The following DNAJC12 variants were observed in gnomAD, a reference collection of about 807,000 sequenced individuals.
DNAJC12 encodes the protein DnaJ heat shock protein family (Hsp40) member C12, also known as dnaJ homolog subfamily C member 12.
In DNAJC12, 25 loss-of-function variants were observed where a neutral mutation model predicts 28.5. The ratio of observed to expected loss-of-function variants is 0.88; its 90% confidence interval spans 0.64 to 1.22. The LOEUF is 1.22. DNAJC12 is among the 50% of genes most tolerant of loss of function. The probability of loss-of-function intolerance (pLI) is 0.00; values close to 1 mark genes in which losing one functional copy is unlikely to be tolerated. For missense variants in DNAJC12, 222 were observed against 231.7 expected, an observed-to-expected ratio of 0.96 and a Z score of 0.27; for synonymous variants, 77 against 80.6, an observed-to-expected ratio of 0.95 and a Z score of 0.24.
chr10:67,837,843 A>G, intron 1 of DNAJC12, 91 bp downstream of exon 1: 1 of 987,548 alleles, frequency 1.0e-6, no homozygotes, highest in South Asian at 1.8e-5. Flanking sequence ...CAATGTGACT[A>G]AAAATTCAAA....
At chr10:67,802,188 TAC>T (rs1454318341) in intron 4 of DNAJC12, among the ~76,000 whole-genome samples, 1 of 152,148 alleles carries the variant, frequency 6.6e-6, no homozygotes, top group Non-Finnish European at 1.5e-5. Context: ...AACAATAGCA[TAC>T]ATATCACAAT....
chr10:67,826,481 T>TAA (rs1491580455), intron 1 of DNAJC12, among the ~76,000 whole-genome samples: 1 of 124,268 alleles, frequency 8.0e-6, no homozygotes, highest in East Asian at 2.1e-4. Flanking sequence ...TATATATATA[T>TAA]AAGATGCTTA....
intron 4 of DNAJC12, among the ~76,000 whole-genome samples, chr10:67,797,717 A>G (rs1841688897): frequency 6.6e-6 from 1 of 152,138 alleles, no homozygotes; most frequent in Non-Finnish European, 1.5e-5. Context: ...CTGGCAGGCA[A>G]TTTGGCAATA....
chr10:67,819,736 A>T, intron 2 of DNAJC12, among the ~76,000 whole-genome samples: 1 of 22,574 alleles, frequency 4.4e-5, no homozygotes, highest in African/African-American at 2.0e-4. Flanking sequence ...GGAAGGAAGG[A>T]AGGAAGGAAG....
chr10:67,829,353 C>T (rs1216465755), intron 1 of DNAJC12, among the ~76,000 whole-genome samples: 1 of 152,174 alleles, frequency 6.6e-6, no homozygotes, highest in Non-Finnish European at 1.5e-5. Context: ...CAAAATAAAC[C>T]TGTCAGGCCG....
At chr10:67,797,812 G>A (rs1271173335) in intron 4 of DNAJC12, among the ~76,000 whole-genome samples, 4 of 151,838 alleles carry the variant, frequency 2.6e-5, no homozygotes, top group East Asian at 1.9e-4. Flanking sequence ...AGGCCAAGGC[G>A]GGCGGATCAC....
At chr10:67,802,839 G>A (rs770263159) in intron 4 of DNAJC12, among the ~76,000 whole-genome samples, 67 of 68,572 alleles carry the variant, frequency 9.8e-4, no homozygotes, top group Non-Finnish European at 1.5e-3. Flanking sequence ...GTTATTGTGC[G>A]TGTGTGTGTG....
In DNAJC12 at chr10:67,836,204, G is replaced by T. The variant is rs547397786; in HGVS notation, c.78+1730C>A. 2.6e-5 allele frequency among the ~76,000 whole-genome samples: 4 copies of T among 152,126 alleles called. No individual in the cohort carries two copies. In the East Asian group the frequency reaches 7.7e-4, roughly 29 times the overall value. The stretch of plus-strand genomic sequence containing the variant: ...CACACACCGGGGCCTGTCGGGGGGT[G>T]GGGGAGAAGGGGAGGGACAGCATTA... On this transcript the variant is annotated intron_variant, in intron 1 of 4. Transcript: ENST00000225171.
At chr10:67,827,056 C>T (rs1393425889) in intron 1 of DNAJC12, among the ~76,000 whole-genome samples, 1 of 150,202 alleles carries the variant, frequency 6.7e-6, no homozygotes, top group African/African-American at 2.5e-5. Flanking sequence ...GGGGGTTTAT[C>T]GTTGCTGTTG....
chr10:67,811,770 A>G, intron 2 of DNAJC12, 107 bp from the exon 3 acceptor site: 1 of 1,494,964 alleles, frequency 6.7e-7, no homozygotes, highest in Non-Finnish European at 8.9e-7. Context: ...CTTAATAGCT[A>G]TGTGACCTTG....
chr10:67,813,265 A>C (rs1841880376), intron 2 of DNAJC12, among the ~76,000 whole-genome samples: 1 of 151,974 alleles, frequency 6.6e-6, no homozygotes, highest in African/African-American at 2.4e-5. Flanking sequence ...TGGGAGGCTG[A>C]GGCAGAAGAA....
rs765347711 is a variant in DNAJC12 at position 67,805,567 on chromosome 10, A to G, written c.502+16T>C. On this transcript the variant is annotated intron_variant, in intron 4 of 4. Transcript: ENST00000225171. ...TTCAGACCTTCTCCATTCTGCAGTTATATAACGTGACTTACCTGAAGAATC... is the reference window on the plus strand; with the variant it reads ...TTCAGACCTTCTCCATTCTGCAGTTGTATAACGTGACTTACCTGAAGAATC... The G allele has an allele frequency of 3.8e-6, 6 of 1,593,378 alleles. No individual in the cohort carries two copies. In the Admixed American group the frequency reaches 5.6e-5, roughly 15 times the overall value.
At position 67,801,836 on chromosome 10, in the gene DNAJC12, CTTTTTTTTTTTT is replaced by C. The variant is rs577511924; in HGVS notation, c.502+3735_502+3746del. Among the ~76,000 whole-genome samples, 21 of 26,132 alleles carry C rather than the reference CTTTTTTTTTTTT, an allele frequency of 8.0e-4. No individual in the cohort carries two copies. The East Asian group carries it at 0.019, about 24-fold the overall frequency. The allele number at this position is 26,132 out of a possible 152,430, so 17.1% of individuals were successfully genotyped here. On this transcript the variant is annotated intron_variant, in intron 4 of 4. Coordinates refer to ENST00000225171, the MANE Select transcript of DNAJC12 (RefSeq NM_021800.3). ...TGATTCCCATCCCCTCCACTTCATT[CTTTTTTTTTTTT>C]TTTTTTTTTTTTTTTTTTTTTTTGA... is the stretch of plus-strand genomic sequence containing the variant.
intron 2 of DNAJC12, among the ~76,000 whole-genome samples, chr10:67,819,751 GAA>G (rs57066916): frequency 0.11 from 2,356 of 22,024 alleles, 185 homozygotes; most frequent in South Asian, 0.2. Flanking sequence ...AGGAAGGAAG[GAA>G]GGAAGGAAGG....
intron 1 of DNAJC12, chr10:67,833,943 C>T: frequency 2.1e-6 from 1 of 468,536 alleles, no homozygotes; most frequent in South Asian, 1.6e-5. Flanking sequence ...AATGACAAAA[C>T]AAGAAGCAGC....
intron 1 of DNAJC12, among the ~76,000 whole-genome samples, chr10:67,832,585 G>T (rs1014208666): frequency 6.6e-6 from 1 of 152,074 alleles, no homozygotes; most frequent in African/African-American, 2.4e-5. Flanking sequence ...GTGGGAGAAG[G>T]GATAGTTTTT....
At chr10:67,810,252 C>T (rs1009568806) in intron 3 of DNAJC12, among the ~76,000 whole-genome samples, 2 of 152,078 alleles carry the variant, frequency 1.3e-5, no homozygotes, top group Non-Finnish European at 2.9e-5. Flanking sequence ...AAATCTGCCC[C>T]CATGATCCAA....
chr10:67,811,768 C>T lies in DNAJC12; in HGVS notation c.158-105G>A, dbSNP rs1048939870. The T allele has an allele frequency of 1.3e-5, 20 of 1,496,458 alleles. No individual in the cohort carries two copies. The African/African-American group carries it at 2.8e-4, about 21-fold the overall frequency. 92.7% of individuals were successfully genotyped at this position (1,496,458 alleles called of 1,614,324 possible). Reference sequence around the variant, plus strand: ...TAAAACCATGACTGCCACTTAATAGCTATGTGACCTTGGGCCAATTTACCT... The same window carrying T: ...TAAAACCATGACTGCCACTTAATAGTTATGTGACCTTGGGCCAATTTACCT... On this transcript the variant is annotated intron_variant, in intron 2 of 4. Transcript: ENST00000225171.
chr10:67,817,196 A>C (rs190102961), intron 2 of DNAJC12, among the ~76,000 whole-genome samples: 3 of 152,310 alleles, frequency 2.0e-5, no homozygotes, highest in Admixed American at 6.5e-5. Flanking sequence ...TCCATTAAGC[A>C]CTTTCCACAT....
Sources: gnomAD v4.1 joint callset for allele counts (sites outside exome capture counted in the v4.1 genomes callset) on GRCh38, gnomAD v4.1.1 for gene constraint, MANE v1.5 for transcripts, NCBI Gene and HGNC (gene_info 2026-07-23, HGNC 2026-07-21) for gene names.